The following SGCD variants were observed in gnomAD, a reference collection of about 807,000 sequenced individuals.
SGCD encodes sarcoglycan delta.
In SGCD, 18 loss-of-function variants were observed where a neutral mutation model predicts 36.6. That is an observed-to-expected ratio of 0.49 (90% CI 0.34 to 0.73). The LOEUF (loss-of-function observed/expected upper bound fraction) is 0.73. Ranked by LOEUF, SGCD falls within the 30% of genes least tolerant of loss-of-function variation. SGCD has a pLI of 0.01. For synonymous variants in SGCD, 133 were observed against 130.6 expected (o/e 1.02, Z -0.12); for missense variants, 387 against 346.7 (o/e 1.12, Z -0.92).
intron 3 of SGCD, among the ~76,000 whole-genome samples, chr5:156,216,284 T>A (rs758393581): frequency 3.7e-4 from 57 of 152,168 alleles, no homozygotes; most frequent in African/African-American, 1.4e-3. Flanking sequence ...AACAATGTAT[T>A]TATTCTTCAA....
chr5:156,668,011 C>T (rs1176806215), intron 7 of SGCD, among the ~76,000 whole-genome samples: 1 of 152,202 alleles, frequency 6.6e-6, no homozygotes, highest in Non-Finnish European at 1.5e-5. Context: ...CTTAGAATAA[C>T]ACACAGTTCC....
chr5:155,732,806 C>A, the SGCD span, among the ~76,000 whole-genome samples: 1 of 152,274 alleles, frequency 6.6e-6, no homozygotes, highest in Non-Finnish European at 1.5e-5. Flanking sequence ...TCCCTCACTC[C>A]CGGATTCCAA....
chr5:156,347,359 T>A (rs764446182), intron 3 of SGCD, among the ~76,000 whole-genome samples: 5 of 152,202 alleles, frequency 3.3e-5, no homozygotes, highest in Non-Finnish European at 7.3e-5. Context: ...TTAGTAAAAC[T>A]TCTCTGTTGC....
rs73302616 is a variant in SGCD at position 156,248,943 on chromosome 5, T to A, written c.-43-80591T>A. ...TGTGTGACCAAATGGAATACAGTTG[T>A]TGCTCACCAAATTATTTAAACCTGG... On this transcript the variant is annotated intron_variant, in intron 3 of 9. Coordinates refer to the SGCD transcript ENST00000517913. Among the ~76,000 whole-genome samples the A allele has an allele frequency of 5.5e-3, 836 of 152,278 alleles. 10 individuals carry two copies. Among genetic ancestry groups the A allele is most frequent in the African/African-American group, 0.019 (808 of 41,564 alleles).
At chr5:156,182,396 G>A (rs145056153) in intron 3 of SGCD, among the ~76,000 whole-genome samples, 1 of 152,058 alleles carries the variant, frequency 6.6e-6, no homozygotes, top group Non-Finnish European at 1.5e-5. Context: ...TATGAGAAAA[G>A]CCTTGGTGAT....
At chr5:155,904,716 A>G (rs1055359533) in intron 1 of SGCD, among the ~76,000 whole-genome samples, 1 of 152,168 alleles carries the variant, frequency 6.6e-6, no homozygotes, top group East Asian at 1.9e-4. Flanking sequence ...GTGACTTGTA[A>G]CTATAGGTTT....
At chr5:156,480,663 T>C (rs1242579246) in intron 3 of SGCD, among the ~76,000 whole-genome samples, 2 of 152,150 alleles carry the variant, frequency 1.3e-5, no homozygotes, top group African/African-American at 4.8e-5. Context: ...CTAACTAGAT[T>C]TGTGGGGGAA....
rs374041299 is a variant in SGCD at position 156,027,112 on chromosome 5, C to T, written c.-281-90766C>T. 2.4e-4 allele frequency among the ~76,000 whole-genome samples: 36 copies of T among 152,270 alleles called. 1 individual carries two copies. Among genetic ancestry groups the T allele is most frequent in the South Asian group, 1.0e-3 (5 of 4,826 alleles). ...CAAATAAATAAAGGCATTTTGGTGACGTAACTTGGTATTTCAAACAGGGTT... is the reference window on the plus strand; with the variant it reads ...CAAATAAATAAAGGCATTTTGGTGATGTAACTTGGTATTTCAAACAGGGTT... On this transcript the variant is annotated intron_variant, in intron 1 of 9. Coordinates refer to the SGCD transcript ENST00000517913.
At chr5:156,522,851 C>T (rs1333966055) in intron 4 of SGCD, among the ~76,000 whole-genome samples, 2 of 151,476 alleles carry the variant, frequency 1.3e-5, no homozygotes, top group African/African-American at 4.9e-5. Context: ...TAAAATGGGG[C>T]ATGAGGGTAT....
chr5:156,257,388 G>A (rs1024186891), intron 3 of SGCD, among the ~76,000 whole-genome samples: 14 of 151,850 alleles, frequency 9.2e-5, no homozygotes, highest in Admixed American at 8.5e-4. Flanking sequence ...GCAGGAGAAT[G>A]GCGTGAACCC....
chr5:155,731,810 G>A, the SGCD span, among the ~76,000 whole-genome samples: 6 of 152,138 alleles, frequency 3.9e-5, no homozygotes, highest in Admixed American at 6.5e-5. Context: ...AATAGGGACC[G>A]GAATGTGCTA....
the SGCD span, among the ~76,000 whole-genome samples, chr5:155,807,839 G>T: frequency 4.8e-4 from 73 of 152,338 alleles, no homozygotes; most frequent in African/African-American, 1.6e-3. Context: ...TTTATGGAGA[G>T]AGGATAGTTT....
At chr5:155,943,684 T>C (rs1204216066) in intron 1 of SGCD, among the ~76,000 whole-genome samples, 1 of 152,138 alleles carries the variant, frequency 6.6e-6, no homozygotes, top group African/African-American at 2.4e-5. Flanking sequence ...CAAATAGTCA[T>C]CCAGTTCCTC....
intron 4 of SGCD, among the ~76,000 whole-genome samples, chr5:156,546,585 C>A (rs890172408): frequency 6.7e-6 from 1 of 148,700 alleles, no homozygotes; most frequent in Non-Finnish European, 1.5e-5. Flanking sequence ...TCATTGAATT[C>A]TGTGACCCTC....
At chr5:156,736,988 T>C (rs1756405490) in intron 7 of SGCD, among the ~76,000 whole-genome samples, 1 of 152,186 alleles carries the variant, frequency 6.6e-6, no homozygotes, top group South Asian at 2.1e-4. Flanking sequence ...CTGAAATGGG[T>C]AATATAAAAT....
intron 3 of SGCD, among the ~76,000 whole-genome samples, chr5:156,163,006 C>T (rs1388327593): frequency 6.6e-6 from 1 of 151,556 alleles, no homozygotes; most frequent in Non-Finnish European, 1.5e-5. Flanking sequence ...TCTCTGCTTG[C>T]CTGGTGGGTA....
chr5:156,389,705 G>A (rs1034399755), intron 3 of SGCD, among the ~76,000 whole-genome samples: 44 of 152,136 alleles, frequency 2.9e-4, no homozygotes, highest in African/African-American at 7.7e-4. Context: ...ACGGGCCACA[G>A]GCTGATACAG....
chr5:156,337,345 C>T (rs1217563824), intron 2 of SGCD, among the ~76,000 whole-genome samples: 2 of 152,156 alleles, frequency 1.3e-5, no homozygotes, highest in East Asian at 1.9e-4. Flanking sequence ...AAAATAAAAA[C>T]TTACTTGATT....
chr5:156,295,912 T>C (rs1406020669), intron 3 of SGCD, among the ~76,000 whole-genome samples: 3 of 152,124 alleles, frequency 2.0e-5, no homozygotes, highest in Non-Finnish European at 4.4e-5. Context: ...ACAGAAGCAA[T>C]GTATTACTTA....
Sources: allele counts gnomAD v4.1 joint callset (sites outside exome capture counted in the v4.1 genomes callset), GRCh38; gene constraint gnomAD v4.1.1; transcripts MANE v1.5; gene names NCBI Gene and HGNC (gene_info 2026-07-23, HGNC 2026-07-21).